Variants in TMEFF1 observed in about 807,000 individuals in gnomAD.
TMEFF1 encodes transmembrane protein with EGF like and two follistatin like domains 1, also known as tomoregulin-1.
TMEFF1 carries 20 observed loss-of-function variants against 47.5 expected under a neutral mutation model. That is an observed-to-expected ratio of 0.42 (90% CI 0.30 to 0.61). TMEFF1 has a LOEUF of 0.61. TMEFF1 is among the 20% of genes least tolerant of loss of function. The probability of loss-of-function intolerance (pLI) is 0.19; values close to 1 mark genes in which losing one functional copy is unlikely to be tolerated. For missense variants in TMEFF1, 411 were observed against 471.1 expected, an observed-to-expected ratio of 0.87 and a Z score of 1.18; for synonymous variants, 162 against 166.3, an observed-to-expected ratio of 0.97 and a Z score of 0.20.
At chr9:100,547,638 G>T in intron 5 of TMEFF1, 106 bp from the exon 6 acceptor site, 1 of 1,269,206 alleles carries the variant, frequency 7.9e-7, no homozygotes, top group South Asian at 2.6e-5. Context: ...ACAATATATT[G>T]ACTTCTGTTA....
chr9:100,517,229 T>C (rs1816917507), intron 5 of TMEFF1, among the ~76,000 whole-genome samples: 1 of 152,248 alleles, frequency 6.6e-6, no homozygotes, highest in Non-Finnish European at 1.5e-5. Context: ...AGTATTCTTA[T>C]TTATTTCCAA....
chr9:100,560,719 G>A lies in TMEFF1; in HGVS notation c.776-678G>A, dbSNP rs118061504. Among the ~76,000 whole-genome samples, 205 of 152,234 alleles carry A rather than the reference G, an allele frequency of 1.3e-3. 5 individuals are homozygous for A. The East Asian group carries it at 0.034, about 25-fold the overall frequency. On this transcript the variant is annotated intron_variant, in intron 7 of 9. Transcript: ENST00000374879. ...TCATTATACTTAAGTCTGAGCAGAT[G>A]TTCATCAACATGTTGACAGTGTTTT...
At chr9:100,546,138 T>C (rs1038002281) in intron 5 of TMEFF1, among the ~76,000 whole-genome samples, 1 of 152,166 alleles carries the variant, frequency 6.6e-6, no homozygotes, top group Non-Finnish European at 1.5e-5. Context: ...CCCACTCTAC[T>C]GGTACCAGTT....
chr9:100,499,777 A>G (rs1837724792), intron 2 of TMEFF1, among the ~76,000 whole-genome samples: 1 of 152,206 alleles, frequency 6.6e-6, no homozygotes, highest in African/African-American at 2.4e-5. Flanking sequence ...ATGAGAATCA[A>G]AATTGGAAAG....
At chr9:100,534,081 G>A (rs1327112049) in intron 5 of TMEFF1, among the ~76,000 whole-genome samples, 1 of 152,178 alleles carries the variant, frequency 6.6e-6, no homozygotes, top group Non-Finnish European at 1.5e-5. Flanking sequence ...GTGTGGGGAA[G>A]TGTTTCAGGA....
chr9:100,537,890 A>G (rs1024206042), intron 5 of TMEFF1, among the ~76,000 whole-genome samples: 1 of 151,914 alleles, frequency 6.6e-6, no homozygotes, highest in Non-Finnish European at 1.5e-5. Context: ...TACAATATAT[A>G]TTTTTTGACT....
At chr9:100,511,881 A>G (rs1212002721) in intron 3 of TMEFF1, among the ~76,000 whole-genome samples, 2 of 152,174 alleles carry the variant, frequency 1.3e-5, no homozygotes. Flanking sequence ...AATATAACAT[A>G]CAGGGAGAAT....
At chr9:100,510,097 T>A (rs1419258086) in intron 3 of TMEFF1, among the ~76,000 whole-genome samples, 1 of 152,126 alleles carries the variant, frequency 6.6e-6, no homozygotes, top group African/African-American at 2.4e-5. Flanking sequence ...GTTCAGAAAT[T>A]CTCCATTTTA....
Position 100,519,647 on chromosome 9 carries a change from CTTTTTTTTTTT to C in TMEFF1, c.560+2895_560+2905del, listed in dbSNP as rs60569330. ...TACTTTGAGGACTGCTGCCCAGTGACTTTTTTTTTTTTTTTTTTTTTTTTTTTTTAACAAAA... is the reference window on the plus strand; with the variant it reads ...TACTTTGAGGACTGCTGCCCAGTGACTTTTTTTTTTTTTTTTTTAACAAAA... On this transcript the variant is annotated intron_variant, in intron 5 of 9. Transcript: ENST00000374879. Among the ~76,000 whole-genome samples, 72 of 65,168 alleles carry C rather than the reference CTTTTTTTTTTT, an allele frequency of 1.1e-3. 2 individuals carry two copies. Among genetic ancestry groups the C allele is most frequent in the East Asian group, 4.7e-3 (6 of 1,272 alleles). The allele number at this position is 65,168 out of a possible 152,430, so 42.8% of individuals were successfully genotyped here.
intron 5 of TMEFF1, among the ~76,000 whole-genome samples, chr9:100,539,435 C>G (rs1240958138): frequency 3.9e-5 from 6 of 152,170 alleles, no homozygotes; most frequent in Non-Finnish European, 8.8e-5. Context: ...TTTGTTCCTT[C>G]AGATGTTCAG....
chr9:100,483,992 A>C (rs749291071), intron 1 of TMEFF1, among the ~76,000 whole-genome samples: 71 of 152,152 alleles, frequency 4.7e-4, no homozygotes, highest in Non-Finnish European at 5.0e-4. Flanking sequence ...TGTAGGACAT[A>C]TACATTGAAC....
chr9:100,528,027 C>G (rs374094080), intron 5 of TMEFF1, among the ~76,000 whole-genome samples: 44 of 152,080 alleles, frequency 2.9e-4, no homozygotes, highest in Middle Eastern at 3.4e-3. Flanking sequence ...TGCAGCTGAG[C>G]GTCCTGTCTG....
chr9:100,474,296 G>T (rs1451414074), intron 1 of TMEFF1, among the ~76,000 whole-genome samples: 2 of 151,942 alleles, frequency 1.3e-5, no homozygotes, highest in Non-Finnish European at 2.9e-5. Flanking sequence ...TTGTCTTGAG[G>T]ACGCGGTTTG....
At chr9:100,506,391 T>G (rs1263720902) in intron 2 of TMEFF1, among the ~76,000 whole-genome samples, 4 of 152,176 alleles carry the variant, frequency 2.6e-5, no homozygotes, top group African/African-American at 9.7e-5. Context: ...TTTATTTTCT[T>G]GCTATATTTT....
intron 7 of TMEFF1, among the ~76,000 whole-genome samples, chr9:100,550,662 T>C (rs1284112504): frequency 6.6e-6 from 1 of 152,230 alleles, no homozygotes; most frequent in African/African-American, 2.4e-5. Flanking sequence ...CTCCCCTCTC[T>C]GAACACTTAG....
chr9:100,496,075 T>C (rs1387681145), intron 1 of TMEFF1, among the ~76,000 whole-genome samples: 1 of 152,250 alleles, frequency 6.6e-6, no homozygotes, highest in Non-Finnish European at 1.5e-5. Context: ...TGTGTGAGCA[T>C]CAAAGCAGAG....
At chr9:100,522,823 C>T (rs552517341) in intron 5 of TMEFF1, among the ~76,000 whole-genome samples, 145 of 152,270 alleles carry the variant, frequency 9.5e-4, no homozygotes, top group Middle Eastern at 3.4e-3. Flanking sequence ...CAAGCTCCGC[C>T]TCTGGGGTTC....
At chr9:100,536,114 T>C (rs1420239354) in intron 5 of TMEFF1, among the ~76,000 whole-genome samples, 2 of 152,162 alleles carry the variant, frequency 1.3e-5, no homozygotes, top group East Asian at 1.9e-4. Context: ...AATGTAGCAG[T>C]GTGTATATAG....
intron 2 of TMEFF1, among the ~76,000 whole-genome samples, chr9:100,499,354 G>A (rs558508932): frequency 5.9e-5 from 9 of 152,154 alleles, no homozygotes; most frequent in Non-Finnish European, 5.9e-5. Context: ...AACTAAGAGT[G>A]TAAATATTTT....
Sources: gnomAD v4.1 joint callset for allele counts (sites outside exome capture counted in the v4.1 genomes callset) on GRCh38, gnomAD v4.1.1 for gene constraint, MANE v1.5 for transcripts, NCBI Gene and HGNC (gene_info 2026-07-23, HGNC 2026-07-21) for gene names.